POLA1: variants seen among roughly 807,000 people sequenced by gnomAD.
POLA1 encodes the protein DNA polymerase alpha catalytic subunit.
In POLA1, 15 loss-of-function variants were observed where a neutral mutation model predicts 124.0. The observed-to-expected ratio is 0.12, with a 90% CI of 0.08 to 0.19. The LOEUF is 0.19. Among genes scored for constraint, POLA1 ranks in the 10% least tolerant of loss-of-function variants. POLA1 has a pLI of 1.00. For synonymous variants in POLA1, 408 were observed against 389.4 expected (o/e 1.05, Z -0.56); for missense variants, 886 against 1,103.4 (o/e 0.80, Z 2.79).
At chrX:24,922,350 A>C (rs2047630606) in intron 35 of POLA1, among the ~76,000 whole-genome samples, 1 of 109,773 alleles carries the variant, frequency 9.1e-6, no homozygotes, top group Non-Finnish European at 1.9e-5. Flanking sequence ...CTCCCAAAGC[A>C]CTACAATTAC....
chrX:24,794,025 G>A (rs1488421550), intron 26 of POLA1, among the ~76,000 whole-genome samples: 1 of 107,941 alleles, frequency 9.3e-6, no homozygotes. Context: ...CCAGGCGGCT[G>A]GAGTGCAGTG....
chrX:24,727,627 A>G (rs746781672), intron 14 of POLA1, among the ~76,000 whole-genome samples, 155 bp from the exon 15 acceptor site: 40 of 112,698 alleles, frequency 3.5e-4, no homozygotes, highest in Non-Finnish European at 6.6e-4. Flanking sequence ...ATACAACCCA[A>G]TAATGTGGCT....
Position 24,741,359 on chromosome X carries a change from T to C in POLA1, c.2217-16T>C. 8.6e-7 allele frequency: 1 copy of C among 1,162,174 alleles called. No individual in the cohort carries two copies. Among genetic ancestry groups the C allele is most frequent in the Non-Finnish European group, 1.2e-6 (1 of 856,195 alleles). On this transcript the variant is annotated splice_polypyrimidine_tract_variant and intron_variant, in intron 20 of 36. Transcript: ENST00000379068. ...TTAATTACTTGATTCTGTTTCATTC[T>C]TACTTTTCTGTACAGTGAATCTTCT...
Position 24,893,874 on chromosome X carries a change from A to G in POLA1, c.4164+5752A>G, listed in dbSNP as rs73207272. On this transcript the variant is annotated intron_variant, in intron 35 of 36. Coordinates refer to ENST00000379068, the MANE Select transcript of POLA1 (RefSeq NM_001330360.2). ...GTAGACAGGTCTTACATTTGGCCTG[A>G]ATTTTTTTTTTCTGTAGCTCACTCA... Among the ~76,000 whole-genome samples, 968 of 111,232 alleles carry G rather than the reference A, an allele frequency of 8.7e-3. 5 individuals are homozygous for G. The highest frequency in any genetic ancestry group is 0.013 in the Non-Finnish European group (710 of 53,023).
chrX:24,733,367 T>G (rs1931057527), intron 16 of POLA1, among the ~76,000 whole-genome samples: 1 of 112,473 alleles, frequency 8.9e-6, no homozygotes, highest in African/African-American at 3.2e-5. Context: ...GGTAAGGAAC[T>G]TACAGTGTGT....
At chrX:24,789,174 G>A in intron 26 of POLA1, 1 of 737,003 alleles carries the variant, frequency 1.4e-6, no homozygotes, top group Non-Finnish European at 2.0e-6. Context: ...TTAGGCAAGA[G>A]AAAAAAGTAA....
chrX:24,887,089 A>G, intron 34 of POLA1, among the ~76,000 whole-genome samples: 1 of 112,292 alleles, frequency 8.9e-6, no homozygotes, highest in East Asian at 2.8e-4. Context: ...GTGGCAATGC[A>G]TGTAGCACGA....
chrX:24,985,724 G>C (rs1033442361), intron 36 of POLA1, among the ~76,000 whole-genome samples: 1 of 112,084 alleles, frequency 8.9e-6, no homozygotes, highest in African/African-American at 3.2e-5. Flanking sequence ...TCAGATTTTC[G>C]GATGTTCAGC....
At chrX:24,904,329 G>A (rs147825412) in intron 35 of POLA1, among the ~76,000 whole-genome samples, 87 of 110,959 alleles carry the variant, frequency 7.8e-4, no homozygotes, top group African/African-American at 2.6e-3. Flanking sequence ...AAAACCAAGC[G>A]TGGGCACCAA....
At position 24,748,399 on chromosome X, in the gene POLA1, G is replaced by A; in HGVS notation, c.2780G>A (p.Arg927Gln). The A allele has an allele frequency of 8.3e-7, 1 of 1,202,497 alleles. No individual in the cohort carries two copies. Among genetic ancestry groups the A allele is most frequent in the Non-Finnish European group, 1.1e-6 (1 of 887,418 alleles). The change falls in exon 25 of 37, where the codon CGG (arginine) becomes CAG (glutamine). Residue 927 changes from arginine (R) to glutamine (Q), a missense_variant. Arg to Gln is a conservative substitution (Grantham distance 43). Around this residue, in one of 7 missense-constraint regions of POLA1, gnomAD observed 182 missense variants for 252.8 expected, o/e 0.72. Transcript: ENST00000379068. ...AGAGAGATCCGGAAACTGGTAGAAC[G>A]GAGAAAACAAGTCAAACAGCTAATG... ...LPREIRKLVE[R>Q]RKQVKQLMKQ...
At chrX:24,828,713 T>C (rs1222134934) in intron 32 of POLA1, among the ~76,000 whole-genome samples, 1 of 111,635 alleles carries the variant, frequency 9.0e-6, no homozygotes, top group Non-Finnish European at 1.9e-5. Flanking sequence ...AGGAGGTAGA[T>C]GGAACAAGCC....
rs7889930 is a variant in POLA1, at chrX:24,777,950, A to G, written c.2964+28958A>G. ...AGTATACACAGTTAAAAGTAATGTT[A>G]TATGGTCTTGTAAATAGTTGTGCAT... On this transcript the variant is annotated intron_variant, in intron 26 of 36. Transcript: ENST00000379068. Among the ~76,000 whole-genome samples the G allele has an allele frequency of 3.0e-3, 341 of 112,277 alleles. 5 individuals carry two copies. Among genetic ancestry groups the G allele is most frequent in the African/African-American group, 0.011 (331 of 30,938 alleles).
At chrX:24,903,331 T>C (rs1369198135) in intron 35 of POLA1, among the ~76,000 whole-genome samples, 1 of 112,893 alleles carries the variant, frequency 8.9e-6, no homozygotes, top group Non-Finnish European at 1.9e-5. Context: ...CTCCCTGCTT[T>C]ATTGTTTTCT....
chrX:24,891,698 C>A, intron 35 of POLA1, among the ~76,000 whole-genome samples: 1 of 111,833 alleles, frequency 8.9e-6, no homozygotes, highest in Non-Finnish European at 1.9e-5. Flanking sequence ...TAAACAACTG[C>A]AACTACATCC....
intron 36 of POLA1, among the ~76,000 whole-genome samples, chrX:24,947,393 A>T (rs1196808526): frequency 3.1e-4 from 32 of 104,324 alleles, no homozygotes; most frequent in African/African-American, 1.0e-3. Flanking sequence ...TAAGCCTCCC[A>T]AGTAGCTGTG....
At chrX:24,911,512 A>G (rs2047448747) in intron 35 of POLA1, among the ~76,000 whole-genome samples, 1 of 110,652 alleles carries the variant, frequency 9.0e-6, no homozygotes, top group Admixed American at 9.8e-5. Flanking sequence ...GAGAAAAGAA[A>G]GATCTCAAGT....
At chrX:24,974,233 A>G (rs2048338697) in intron 36 of POLA1, among the ~76,000 whole-genome samples, 1 of 111,246 alleles carries the variant, frequency 9.0e-6, no homozygotes, top group African/African-American at 3.3e-5. Flanking sequence ...GTCTGGAGAC[A>G]TTTCATTGTC....
Position 24,714,603 on chromosome X carries a change from C to G in POLA1, c.396C>G (p.Leu132=). The G allele has an allele frequency of 1.7e-6, 2 of 1,201,379 alleles. No individual in the cohort carries two copies. The highest frequency in any genetic ancestry group is 1.8e-5 in the South Asian group (1 of 55,419). ...RNKDKRNVKK[L]AVTKPNNIKS... Reference sequence around the variant, plus strand: ...AAGACAAGAGGAATGTAAAGAAGCTCGCAGTGACAAAACCGAACAACATTA... The same window carrying G: ...AAGACAAGAGGAATGTAAAGAAGCTGGCAGTGACAAAACCGAACAACATTA... Residue 132 remains leucine, a synonymous_variant, in exon 5 of 37, where the codon CTC becomes CTG. Coordinates refer to ENST00000379068, the MANE Select transcript of POLA1 (RefSeq NM_001330360.2).
Position 24,729,903 on chromosome X carries a change from C to G in POLA1, c.1686+1967C>G, listed in dbSNP as rs757071988. Reference sequence around the variant, plus strand: ...TACTGTGGCCTCTGCCTCCCAGGTTCCAGTGATTCTCCTGCCTCAGCCTCC... The same window carrying G: ...TACTGTGGCCTCTGCCTCCCAGGTTGCAGTGATTCTCCTGCCTCAGCCTCC... On this transcript the variant is annotated intron_variant, in intron 15 of 36. Transcript: ENST00000379068. 5.8e-4 allele frequency among the ~76,000 whole-genome samples: 64 copies of G among 110,309 alleles called. 1 individual carries two copies. In the East Asian group the frequency reaches 0.018, roughly 31 times the overall value.
Sources: allele counts gnomAD v4.1 joint callset (sites outside exome capture counted in the v4.1 genomes callset), GRCh38; gene constraint gnomAD v4.1.1; regional missense constraint gnomAD v4.1.1; transcripts MANE v1.5; gene names NCBI Gene and HGNC (gene_info 2026-07-23, HGNC 2026-07-21).